The following DOK6 variants were observed in gnomAD, a reference collection of about 807,000 sequenced individuals.
DOK6 encodes downstream of tyrosine kinase 6.
Under a neutral mutation model 44.0 loss-of-function variants are expected in DOK6, and 22 were observed. The ratio of observed to expected loss-of-function variants is 0.50; its 90% CI spans 0.36 to 0.71. The LOEUF (loss-of-function observed/expected upper bound fraction) is 0.71, where lower values mean the gene tolerates loss of function less well. Ranked by LOEUF, DOK6 falls within the 30% of genes least tolerant of loss-of-function variation. The pLI is 0.00. For missense variants in DOK6, 340 were observed against 416.4 expected (o/e 0.82, Z 1.60); for synonymous variants, 166 against 145.5 (o/e 1.14, Z -1.01).
At chr18:69,695,882 T>G (rs1986378324) in intron 4 of DOK6, among the ~76,000 whole-genome samples, 2 of 152,002 alleles carry the variant, frequency 1.3e-5, no homozygotes. Flanking sequence ...ACAAGAAGGG[T>G]TGACTTGAGT....
intron 1 of DOK6, among the ~76,000 whole-genome samples, chr18:69,428,292 A>G (rs1055640644): frequency 6.6e-6 from 1 of 152,118 alleles, no homozygotes; most frequent in Non-Finnish European, 1.5e-5. Flanking sequence ...TGGGCTCTGT[A>G]TACAAATTTG....
At chr18:69,746,502 C>CCCAA (rs1312355026) in intron 6 of DOK6, among the ~76,000 whole-genome samples, 5 of 152,140 alleles carry the variant, frequency 3.3e-5, no homozygotes, top group African/African-American at 1.2e-4. Flanking sequence ...GCAATCTGCC[C>CCCAA]AGTTTGGCCT....
intron 5 of DOK6, among the ~76,000 whole-genome samples, chr18:69,721,904 CTG>C (rs1311932117): frequency 6.6e-6 from 1 of 152,164 alleles, no homozygotes; most frequent in African/African-American, 2.4e-5. Flanking sequence ...GTAAGGCAAA[CTG>C]TGAATATACC....
At chr18:69,768,865 C>T (rs894353781) in intron 7 of DOK6, among the ~76,000 whole-genome samples, 8 of 151,224 alleles carry the variant, frequency 5.3e-5, no homozygotes, top group Non-Finnish European at 8.8e-5. Flanking sequence ...TTTGTTGCTT[C>T]GAACTTCGAA....
intron 5 of DOK6, among the ~76,000 whole-genome samples, chr18:69,699,579 A>T (rs1986465882): frequency 6.6e-6 from 1 of 152,178 alleles, no homozygotes; most frequent in Non-Finnish European, 1.5e-5. Context: ...TCTGAAAAGC[A>T]TTAGATCCTG....
intron 5 of DOK6, among the ~76,000 whole-genome samples, chr18:69,719,558 T>C (rs1396890535): frequency 2.0e-5 from 3 of 152,242 alleles, no homozygotes; most frequent in African/African-American, 4.8e-5. Flanking sequence ...CACTTAACTA[T>C]GCCTGCATCT....
At chr18:69,832,110 GT>G (rs1408311005) in intron 7 of DOK6, among the ~76,000 whole-genome samples, 1 of 152,100 alleles carries the variant, frequency 6.6e-6, no homozygotes, top group Non-Finnish European at 1.5e-5. Flanking sequence ...TTTTGTTCCA[GT>G]TCTTAGTGGA....
chr18:69,799,125 C>T (rs779610686), intron 7 of DOK6, among the ~76,000 whole-genome samples: 3 of 151,908 alleles, frequency 2.0e-5, no homozygotes, highest in Non-Finnish European at 4.4e-5. Context: ...ATTATTATTA[C>T]CAAGCATTAC....
intron 1 of DOK6, among the ~76,000 whole-genome samples, chr18:69,510,461 T>G (rs533544362): frequency 6.6e-6 from 1 of 152,204 alleles, no homozygotes; most frequent in Non-Finnish European, 1.5e-5. Context: ...ATGCCCAGTA[T>G]TTTTTAAAAG....
At chr18:69,826,068 T>C (rs1019198645) in intron 7 of DOK6, among the ~76,000 whole-genome samples, 3 of 152,208 alleles carry the variant, frequency 2.0e-5, no homozygotes, top group African/African-American at 7.2e-5. Flanking sequence ...TGTACTTCAG[T>C]GTCCTCATCT....
At chr18:69,420,136 A>G (rs1017734365) in intron 1 of DOK6, among the ~76,000 whole-genome samples, 1 of 152,142 alleles carries the variant, frequency 6.6e-6, no homozygotes, top group African/African-American at 2.4e-5. Flanking sequence ...ATACAAAAAA[A>G]CACAGCAAAG....
chr18:69,420,394 T>A (rs1195047519), intron 1 of DOK6, among the ~76,000 whole-genome samples: 1 of 152,192 alleles, frequency 6.6e-6, no homozygotes, highest in East Asian at 1.9e-4. Flanking sequence ...CCCAACAATA[T>A]GAATTCTTAC....
chr18:69,506,923 A>G (rs1340657098), intron 1 of DOK6, among the ~76,000 whole-genome samples: 2 of 152,046 alleles, frequency 1.3e-5, no homozygotes, highest in African/African-American at 2.4e-5. Flanking sequence ...ACACATATGT[A>G]TATTTAAATA....
At chr18:69,529,171 G>A (rs959054032) in intron 1 of DOK6, among the ~76,000 whole-genome samples, 18 of 152,200 alleles carry the variant, frequency 1.2e-4, no homozygotes, top group Admixed American at 5.9e-4. Context: ...CTGCATAACC[G>A]GAATAGGAGT....
At chr18:69,776,667 C>T (rs1304864279) in intron 7 of DOK6, among the ~76,000 whole-genome samples, 1 of 151,952 alleles carries the variant, frequency 6.6e-6, no homozygotes, top group Non-Finnish European at 1.5e-5. Context: ...ATCATCACAA[C>T]CTAATTGTAT....
chr18:69,768,026 C>A (rs1979771231), intron 7 of DOK6, among the ~76,000 whole-genome samples: 1 of 152,070 alleles, frequency 6.6e-6, no homozygotes. Flanking sequence ...ATTAAAATCT[C>A]TGTTCAGTCT....
chr18:69,420,933 A>G (rs1162358873), intron 1 of DOK6, among the ~76,000 whole-genome samples: 3 of 152,112 alleles, frequency 2.0e-5, no homozygotes, highest in South Asian at 2.1e-4. Flanking sequence ...GGCTGTATCT[A>G]TTTCAATTCA....
intron 3 of DOK6, among the ~76,000 whole-genome samples, chr18:69,647,777 T>C (rs1985121820): frequency 6.6e-6 from 1 of 152,004 alleles, no homozygotes; most frequent in Admixed American, 6.6e-5. Context: ...TTTCTGAAAA[T>C]GAAATCCCAT....
chr18:69,456,942 T>C (rs547402175), intron 1 of DOK6, among the ~76,000 whole-genome samples: 2 of 152,308 alleles, frequency 1.3e-5, no homozygotes, highest in South Asian at 2.1e-4. Flanking sequence ...CACTTGTATG[T>C]TTTCTTTTGA....
Sources: gnomAD v4.1 joint callset for allele counts (sites outside exome capture counted in the v4.1 genomes callset) on GRCh38, gnomAD v4.1.1 for gene constraint, MANE v1.5 for transcripts, NCBI Gene and HGNC (gene_info 2026-07-23, HGNC 2026-07-21) for gene names.